The following CAPN5 variants were observed in gnomAD, a reference collection of about 807,000 sequenced individuals.
CAPN5 encodes the protein calpain-5.
Under a neutral mutation model 73.0 loss-of-function variants are expected in CAPN5, and 54 were observed. That is an observed-to-expected ratio of 0.74 (90% CI 0.59 to 0.93). The LOEUF (loss-of-function observed/expected upper bound fraction) is 0.93, where lower values mean the gene tolerates loss of function less well. Among genes scored for constraint, CAPN5 ranks in the 40% least tolerant of loss-of-function variants. The pLI is 0.00. For missense variants in CAPN5, 785 were observed against 882.9 expected (o/e 0.89, Z 1.41); for synonymous variants, 335 against 356.9 (o/e 0.94, Z 0.69).
At chr11:77,087,835 G>T in intron 2 of CAPN5, 2 of 1,454,170 alleles carry the variant, frequency 1.4e-6, no homozygotes, top group Admixed American at 4.0e-5. Flanking sequence ...ATCTCCTATT[G>T]ACTCTGCAGG....
chr11:77,078,086 T>C (rs1949991850), intron 1 of CAPN5, among the ~76,000 whole-genome samples: 1 of 152,234 alleles, frequency 6.6e-6, no homozygotes, highest in South Asian at 2.1e-4. Flanking sequence ...CCCTTTTGTC[T>C]ATTTTTGCTT....
chr11:77,112,736 T>TA lies in CAPN5; in HGVS notation c.446dup (p.Tyr149Ter), dbSNP rs781998387. 11 of 1,614,154 alleles carry TA rather than the reference T, an allele frequency of 6.8e-6. No individual in the cohort carries two copies. Among genetic ancestry groups the TA allele is most frequent in the African/African-American group, 1.3e-5 (1 of 74,960 alleles). Residue 149 changes from tyrosine (Y) to a stop codon, truncating the protein, a stop_gained and frameshift_variant, in exon 4 of 13, where the codon TAC (tyrosine) becomes TAAC (stop). Transcript: ENST00000648180. LOFTEE classifies it high-confidence loss of function. ...RLPTVNNQLIYCHSNSRNEFW... is the reference protein window; with the variant it reads ...RLPTVNNQLI Reference sequence around the variant, plus strand: ...GCCCACAGTCAACAACCAGCTCATCTACTGCCACTCCAACTCCCGCAATGA... The same window carrying TA: ...GCCCACAGTCAACAACCAGCTCATCTAACTGCCACTCCAACTCCCGCAATGA...
intron 1 of CAPN5, among the ~76,000 whole-genome samples, chr11:77,076,432 T>C (rs1157630178): frequency 6.6e-6 from 1 of 152,194 alleles, no homozygotes; most frequent in Non-Finnish European, 1.5e-5. Context: ...ACAATCAATC[T>C]CTTGAACTTA....
chr11:77,122,105 T>C, intron 11 of CAPN5, 56 bp downstream of exon 11: 2 of 1,036,072 alleles, frequency 1.9e-6, no homozygotes, highest in Non-Finnish European at 2.8e-6. Context: ...CCATGGCCTC[T>C]CTCCACCAGC....
chr11:77,083,571 C>T (rs1321152508), intron 1 of CAPN5, among the ~76,000 whole-genome samples: 8 of 152,166 alleles, frequency 5.3e-5, no homozygotes, highest in African/African-American at 1.4e-4. Context: ...GTGTGCCCAC[C>T]GGCACTGTTG....
chr11:77,093,577 A>G (rs1382870691), intron 2 of CAPN5, 105 bp from the exon 3 acceptor site: 1 of 1,437,936 alleles, frequency 7.0e-7, no homozygotes, highest in Non-Finnish European at 9.3e-7. Flanking sequence ...TGATGATCAC[A>G]CAGCAAGTCT....
chr11:77,112,734 T>C lies in CAPN5; in HGVS notation c.443T>C (p.Ile148Thr), dbSNP rs782452006. 1.2e-6 allele frequency: 2 copies of C among 1,614,108 alleles called. No individual in the cohort carries two copies. Among genetic ancestry groups the C allele is most frequent in the East Asian group, 2.2e-5 (1 of 44,894 alleles). The change falls in exon 4 of 13, where the codon ATC (isoleucine) becomes ACC (threonine). Residue 148 changes from isoleucine (I) to threonine (T), a missense_variant. Physicochemically the swap from Ile to Thr is moderately conservative, Grantham distance 89. Transcript: ENST00000648180. ...DRLPTVNNQL[I>T]YCHSNSRNEF... is the part of the protein sequence containing the mutation. The stretch of plus-strand genomic sequence containing the variant: ...CTGCCCACAGTCAACAACCAGCTCA[T>C]CTACTGCCACTCCAACTCCCGCAAT...
At chr11:77,092,828 G>A (rs533242680) in intron 2 of CAPN5, among the ~76,000 whole-genome samples, 3 of 152,180 alleles carry the variant, frequency 2.0e-5, no homozygotes, top group Non-Finnish European at 4.4e-5. Flanking sequence ...TTAGCTGGGC[G>A]TGGTGGTGGG....
At chr11:77,094,708 C>T (rs1555037265) in intron 3 of CAPN5, among the ~76,000 whole-genome samples, 2 of 152,180 alleles carry the variant, frequency 1.3e-5, no homozygotes, top group African/African-American at 2.4e-5. Context: ...TGGAGCTGGC[C>T]TCAGGTTACT....
intron 2 of CAPN5, 86 bp downstream of exon 2, chr11:77,085,137 G>A: frequency 8.3e-7 from 1 of 1,208,606 alleles, no homozygotes; most frequent in South Asian, 1.2e-5. Flanking sequence ...GGGGTGGTGG[G>A]AGGAGGCATC....
chr11:77,123,432 C>T (rs1416538788), intron 12 of CAPN5, among the ~76,000 whole-genome samples: 1 of 152,156 alleles, frequency 6.6e-6, no homozygotes, highest in East Asian at 1.9e-4. Flanking sequence ...TCCAAGTTCA[C>T]CCAAGATCAA....
chr11:77,111,985 G>A (rs1950414692), intron 3 of CAPN5, among the ~76,000 whole-genome samples: 2 of 152,126 alleles, frequency 1.3e-5, no homozygotes, highest in Non-Finnish European at 2.9e-5. Flanking sequence ...CTGGGGGAGT[G>A]CATTGAGAGT....
Position 77,119,171 on chromosome 11 carries a change from C to T in CAPN5, c.1290+19C>T, listed in dbSNP as rs556749655. The T allele has an allele frequency of 6.3e-7, 1 of 1,598,956 alleles. No homozygotes were observed. Among genetic ancestry groups the T allele is most frequent in the Non-Finnish European group, 8.5e-7 (1 of 1,172,914 alleles). On this transcript the variant is annotated intron_variant, in intron 9 of 12. Coordinates refer to ENST00000648180, the MANE Select transcript of CAPN5 (RefSeq NM_004055.5). ...CTACAAGGTGAGGCCAGCCGGGTCC[C>T]CTGCCGTGGGTGGGGAGAGGGAGGG... is the stretch of plus-strand genomic sequence containing the variant.
At chr11:77,082,542 A>C (rs1555034776) in intron 1 of CAPN5, among the ~76,000 whole-genome samples, 1 of 152,192 alleles carries the variant, frequency 6.6e-6, no homozygotes, top group East Asian at 1.9e-4. Context: ...TGGAGGGTGC[A>C]GAGGGGCAGT....
At chr11:77,084,691 C>G (rs1374133918) in intron 1 of CAPN5, among the ~76,000 whole-genome samples, 161 bp from the exon 2 acceptor site, 1 of 152,232 alleles carries the variant, frequency 6.6e-6, no homozygotes, top group African/African-American at 2.4e-5. Context: ...CGGTCGGTGT[C>G]TGTCCCACTC....
chr11:77,122,331 G>T (rs994390514), intron 11 of CAPN5, among the ~76,000 whole-genome samples: 1 of 152,200 alleles, frequency 6.6e-6, no homozygotes, highest in Non-Finnish European at 1.5e-5. Context: ...CTGATGAAAG[G>T]GGGTAAGGGA....
At chr11:77,076,013 C>T (rs532676362) in intron 1 of CAPN5, among the ~76,000 whole-genome samples, 3 of 152,066 alleles carry the variant, frequency 2.0e-5, no homozygotes, top group African/African-American at 4.8e-5. Context: ...ATGGCTAAAT[C>T]GAGTTAATTA....
intron 7 of CAPN5, 144 bp downstream of exon 7, chr11:77,116,447 C>T (rs564257332): frequency 5.1e-5 from 35 of 682,974 alleles, no homozygotes; most frequent in Admixed American, 1.7e-4. Flanking sequence ...CAAGTCACAC[C>T]ATCTCAGAGC....
chr11:77,112,518 C>T (rs1338809059), intron 3 of CAPN5, 71 bp from the exon 4 acceptor site: 4 of 1,193,948 alleles, frequency 3.4e-6, no homozygotes, highest in Non-Finnish European at 5.0e-6. Context: ...AAGCACACGC[C>T]CCCATTTCCT....
Sources: gnomAD v4.1 joint callset for allele counts (sites outside exome capture counted in the v4.1 genomes callset) on GRCh38, gnomAD v4.1.1 for gene constraint, MANE v1.5 for transcripts, NCBI Gene and HGNC (gene_info 2026-07-23, HGNC 2026-07-21) for gene names.